Variants in PHTF2 observed in about 807,000 individuals in gnomAD.
PHTF2 encodes putative homeodomain transcription factor 2.
In PHTF2, 60 loss-of-function variants were observed where a neutral mutation model predicts 101.2. The observed-to-expected ratio is 0.59, with a 90% CI of 0.48 to 0.73. The LOEUF (loss-of-function observed/expected upper bound fraction) is 0.73, where lower values mean the gene tolerates loss of function less well. Ranked by LOEUF, PHTF2 falls within the 30% of genes least tolerant of loss-of-function variation. The pLI is 0.00. For synonymous variants in PHTF2, 311 were observed against 307.3 expected (o/e 1.01, Z -0.13); for missense variants, 747 against 908.7 (o/e 0.82, Z 2.29).
chr7:77,840,875 A>G (rs1795811417), intron 2 of PHTF2, among the ~76,000 whole-genome samples: 2 of 152,068 alleles, frequency 1.3e-5, no homozygotes, highest in Admixed American at 6.5e-5. Flanking sequence ...ACAATACAAT[A>G]AACTGTTTGC....
At chr7:77,824,281 G>A (rs1313022076) in intron 1 of PHTF2, among the ~76,000 whole-genome samples, 1 of 151,274 alleles carries the variant, frequency 6.6e-6, no homozygotes, top group Non-Finnish European at 1.5e-5. Context: ...TTTCTTGGAG[G>A]TAGTTGTAAC....
intron 3 of PHTF2, among the ~76,000 whole-genome samples, chr7:77,861,591 G>A (rs117045468): frequency 0.011 from 1,678 of 152,198 alleles, 13 homozygotes; most frequent in Non-Finnish European, 0.017. Context: ...TCTCAGTTTA[G>A]CCTTATCTTG....
At chr7:77,891,249 T>G (rs1374319092) in intron 3 of PHTF2, among the ~76,000 whole-genome samples, 1 of 152,150 alleles carries the variant, frequency 6.6e-6, no homozygotes, top group Non-Finnish European at 1.5e-5. Flanking sequence ...AAAATAAATT[T>G]TTATTTGCAT....
chr7:77,924,230 T>A, intron 11 of PHTF2: 5 of 608,086 alleles, frequency 8.2e-6, no homozygotes, highest in South Asian at 7.3e-5. Flanking sequence ...TTAAATTTAT[T>A]TTATAAATTA....
chr7:77,887,294 G>A (rs1799947931), intron 3 of PHTF2, among the ~76,000 whole-genome samples: 1 of 151,688 alleles, frequency 6.6e-6, no homozygotes, highest in African/African-American at 2.4e-5. Context: ...AGCATCTAAA[G>A]AATATTCATT....
chr7:77,954,754 C>CTT (rs1806887512), intron 19 of PHTF2, 104 bp from the exon 19 acceptor site: 1 of 648,002 alleles, frequency 1.5e-6, no homozygotes, highest in Non-Finnish European at 2.7e-6. Flanking sequence ...AGAAACTGCA[C>CTT]TTGTTTGTGA....
intron 3 of PHTF2, among the ~76,000 whole-genome samples, chr7:77,890,604 T>TTA (rs1183991432): frequency 5.1e-4 from 70 of 138,534 alleles, no homozygotes; most frequent in African/African-American, 1.8e-3. Context: ...TTACACTTTT[T>TTA]TTTTTTTTTT....
exon 1 of PHTF2, chr7:77,798,896 T>C (rs999952194): frequency 2.0e-5 from 3 of 152,588 alleles, no homozygotes; most frequent in Non-Finnish European, 4.4e-5. Context: ...TTGGGCTCTG[T>C]TGGCGGCGGC....
At chr7:77,820,696 G>A (rs1279284956) in intron 1 of PHTF2, among the ~76,000 whole-genome samples, 4 of 152,166 alleles carry the variant, frequency 2.6e-5, no homozygotes, top group Admixed American at 1.3e-4. Context: ...TCATAGTTCA[G>A]CATTTCTGTG....
exon 20 of PHTF2, chr7:77,955,513 A>T (rs928978936): frequency 1.3e-5 from 2 of 152,578 alleles, no homozygotes; most frequent in African/African-American, 4.8e-5. Flanking sequence ...ATATTTTGAT[A>T]AAAATTAACT....
At chr7:77,807,449 A>C (rs1158252378) in intron 1 of PHTF2, among the ~76,000 whole-genome samples, 1 of 152,106 alleles carries the variant, frequency 6.6e-6, no homozygotes, top group Non-Finnish European at 1.5e-5. Flanking sequence ...TCTGATAATT[A>C]GTGATGTTGA....
chr7:77,950,753 C>T (rs1806467713), intron 17 of PHTF2, among the ~76,000 whole-genome samples: 1 of 152,192 alleles, frequency 6.6e-6, no homozygotes, highest in Admixed American at 6.5e-5. Flanking sequence ...CCCTTCTAAT[C>T]ACCTTTCTTT....
At chr7:77,811,217 T>C (rs761616909) in intron 1 of PHTF2, among the ~76,000 whole-genome samples, 2 of 152,238 alleles carry the variant, frequency 1.3e-5, no homozygotes, top group Non-Finnish European at 2.9e-5. Flanking sequence ...TTACGTACTT[T>C]AGGCAGGAAT....
chr7:77,925,218 C>T (rs1803845968), intron 11 of PHTF2, among the ~76,000 whole-genome samples: 1 of 152,038 alleles, frequency 6.6e-6, no homozygotes, highest in African/African-American at 2.4e-5. Context: ...TTTCCTTCCA[C>T]CCCCCAAGAA....
intron 1 of PHTF2, among the ~76,000 whole-genome samples, chr7:77,804,374 G>T (rs950040262): frequency 6.6e-6 from 1 of 152,182 alleles, no homozygotes; most frequent in African/African-American, 2.4e-5. Context: ...TGCCCAGGCG[G>T]GAGTGCAGTG....
intron 12 of PHTF2, among the ~76,000 whole-genome samples, chr7:77,930,593 A>C (rs1304271492): frequency 6.6e-6 from 1 of 152,212 alleles, no homozygotes. Flanking sequence ...AGGGTGATGC[A>C]TAGCTATCAA....
chr7:77,949,847 CTTA>C lies in PHTF2; in HGVS notation c.2115+19_2115+21del, dbSNP rs749852841. The C allele has an allele frequency of 6.4e-5, 84 of 1,309,108 alleles. 1 individual carries two copies. In the African/African-American group the frequency reaches 1.1e-3, roughly 17 times the overall value. 81.1% of individuals were successfully genotyped at this position (1,309,108 alleles called of 1,614,324 possible). A position where few individuals can be genotyped will look rare whatever the true frequency, so the allele number is the denominator to read the frequency against. ...CTTACTGAACAGGTGAGTGTGCCTA[CTTA>C]TTATGCTACAAATTAATGTCTATAA... On this transcript the variant is annotated intron_variant, in intron 17 of 19. Coordinates refer to ENST00000416283, the Ensembl canonical transcript of PHTF2.
At chr7:77,886,551 T>C (rs1443029600) in intron 3 of PHTF2, among the ~76,000 whole-genome samples, 1 of 152,134 alleles carries the variant, frequency 6.6e-6, no homozygotes, top group Admixed American at 6.5e-5. Flanking sequence ...TAGAAACATA[T>C]AAAATTAGAG....
At chr7:77,894,845 A>G (rs568810556) in intron 5 of PHTF2, among the ~76,000 whole-genome samples, 259 of 152,308 alleles carry the variant, frequency 1.7e-3, no homozygotes, top group Non-Finnish European at 3.3e-3. Context: ...AGGATGGAAG[A>G]AACATGATTG....
Sources: gnomAD v4.1 joint callset for allele counts (sites outside exome capture counted in the v4.1 genomes callset) on GRCh38, gnomAD v4.1.1 for gene constraint, MANE v1.5 for transcripts, NCBI Gene and HGNC (gene_info 2026-07-23, HGNC 2026-07-21) for gene names.